SYN3: variants seen among roughly 807,000 people sequenced by gnomAD.
SYN3 encodes the protein synapsin III, also known as synapsin-3.
Under a neutral mutation model 65.8 loss-of-function variants are expected in SYN3, and 35 were observed. That is an observed-to-expected ratio of 0.53 (90% confidence interval 0.41 to 0.70). The LOEUF is 0.70. SYN3 is among the 30% of genes least tolerant of loss of function. The pLI is 0.00. For missense variants in SYN3, 680 were observed against 749.0 expected, an observed-to-expected ratio of 0.91 and a Z score of 1.08; for synonymous variants, 270 against 292.9, an observed-to-expected ratio of 0.92 and a Z score of 0.80.
In SYN3 at chr22:33,015,840, CT is replaced by C. The variant is rs758927603; in HGVS notation, c.-162-9017del. Among the ~76,000 whole-genome samples the C allele has an allele frequency of 6.4e-5, 9 of 140,006 alleles. 1 individual carries two copies. Among genetic ancestry groups the C allele is most frequent in the East Asian group, 4.4e-4 (2 of 4,556 alleles). The allele number at this position is 140,006 out of a possible 152,430, so 91.8% of individuals were successfully genotyped here. On this transcript the variant is annotated intron_variant, in intron 1 of 13. Coordinates refer to ENST00000358763, the MANE Select transcript of SYN3 (RefSeq NM_003490.4). Reference sequence around the variant, plus strand: ...ACTGAACATTTAATAGGCAAATTTTCTTTTCTTTTTTTTTTTTTTTAAGACA... The same window carrying C: ...ACTGAACATTTAATAGGCAAATTTTCTTTCTTTTTTTTTTTTTTTAAGACA...
chr22:32,770,223 T>C (rs2045732312), intron 6 of SYN3, among the ~76,000 whole-genome samples: 1 of 152,202 alleles, frequency 6.6e-6, no homozygotes, highest in Admixed American at 6.5e-5. Flanking sequence ...CACTAACTCC[T>C]GATCCAAGGC....
rs998988503 is a variant in SYN3, at chr22:32,563,383, C to T, written c.775-21670G>A. 6.6e-5 allele frequency among the ~76,000 whole-genome samples: 10 copies of T among 152,154 alleles called. 1 individual carries two copies. On this transcript the variant is annotated intron_variant, in intron 7 of 13. Transcript: ENST00000358763. ...GCATAAACACAGTGTGGATGCAAAG[C>T]AGGGAGGGTCATGTCAACTGAAGGT...
At chr22:32,737,993 G>A (rs1602022477) in intron 6 of SYN3, among the ~76,000 whole-genome samples, 1 of 152,178 alleles carries the variant, frequency 6.6e-6, no homozygotes, top group Admixed American at 6.5e-5. Context: ...ACATCTTCTT[G>A]TGGTAAGCCA....
chr22:33,029,160 G>A (rs529324351), intron 1 of SYN3, among the ~76,000 whole-genome samples: 31 of 146,102 alleles, frequency 2.1e-4, no homozygotes, highest in Non-Finnish European at 3.7e-4. Context: ...AGGACACTGA[G>A]GTCCAAAGAT....
intron 6 of SYN3, among the ~76,000 whole-genome samples, chr22:32,664,684 G>C (rs1324103712): frequency 1.4e-5 from 2 of 144,744 alleles, no homozygotes; most frequent in Non-Finnish European, 3.0e-5. Flanking sequence ...TCCGCCTCCT[G>C]GGTTCATGCC....
intron 6 of SYN3, among the ~76,000 whole-genome samples, chr22:32,622,725 C>CAAA (rs777908921): frequency 1.4e-4 from 11 of 78,134 alleles, no homozygotes; most frequent in Non-Finnish European, 1.5e-4. Context: ...AAATCGGATG[C>CAAA]AAAAAAAAAA....
chr22:32,686,414 G>A (rs1163855596), intron 6 of SYN3, among the ~76,000 whole-genome samples: 6 of 149,334 alleles, frequency 4.0e-5, no homozygotes, highest in Non-Finnish European at 8.9e-5. Flanking sequence ...TTCAAGAAAA[G>A]TCAGAGATTT....
Position 32,893,210 on chromosome 22 carries a change from T to C in SYN3, c.462-24085A>G, listed in dbSNP as rs2049500123. 2.0e-5 allele frequency among the ~76,000 whole-genome samples: 3 copies of C among 152,192 alleles called. No individual in the cohort carries two copies. In the South Asian group the frequency reaches 6.2e-4, roughly 32 times the overall value. ...TTTGCGTATGAGAATAATCAATGTT[T>C]GCTCTGCCCCCCTCCCAGGACTTAT... On this transcript the variant is annotated intron_variant, in intron 4 of 13. Coordinates refer to ENST00000358763, the MANE Select transcript of SYN3 (RefSeq NM_003490.4).
At chr22:32,537,282 C>T (rs1287327451) in intron 9 of SYN3, among the ~76,000 whole-genome samples, 1 of 152,076 alleles carries the variant, frequency 6.6e-6, no homozygotes, top group Non-Finnish European at 1.5e-5. Flanking sequence ...GCCTCAGCCT[C>T]CCGAGTAGCT....
intron 6 of SYN3, among the ~76,000 whole-genome samples, chr22:32,822,498 G>A (rs1226824126): frequency 2.0e-5 from 3 of 152,330 alleles, no homozygotes; most frequent in African/African-American, 7.2e-5. Flanking sequence ...CCTGTGCATC[G>A]AAAGCCTCAA....
intron 1 of SYN3, among the ~76,000 whole-genome samples, chr22:33,056,360 G>A (rs930065066): frequency 4.6e-5 from 7 of 152,102 alleles, no homozygotes; most frequent in East Asian, 1.9e-4. Context: ...GATACCGTGG[G>A]GAAATGCTCA....
At chr22:32,918,249 C>T (rs2050239544) in intron 4 of SYN3, among the ~76,000 whole-genome samples, 2 of 152,218 alleles carry the variant, frequency 1.3e-5, no homozygotes, top group African/African-American at 4.8e-5. Flanking sequence ...ACTTGATCCT[C>T]AAGGAAGGTT....
intron 4 of SYN3, among the ~76,000 whole-genome samples, chr22:32,915,057 G>T (rs895121680): frequency 1.3e-5 from 2 of 152,094 alleles, no homozygotes; most frequent in Non-Finnish European, 2.9e-5. Context: ...CAGGCTATAA[G>T]AATTATTCAT....
intron 6 of SYN3, among the ~76,000 whole-genome samples, chr22:32,720,981 C>T (rs1031712047): frequency 2.3e-4 from 35 of 152,342 alleles, no homozygotes; most frequent in African/African-American, 8.2e-4. Flanking sequence ...TCCCTTAGTA[C>T]ACACGTTCAC....
chr22:32,587,610 G>C (rs1206611439), intron 7 of SYN3, among the ~76,000 whole-genome samples: 1 of 152,106 alleles, frequency 6.6e-6, no homozygotes, highest in Non-Finnish European at 1.5e-5. Context: ...CTGGGCCACT[G>C]ACTCCCACTC....
At chr22:33,033,838 G>A (rs746391009) in intron 1 of SYN3, among the ~76,000 whole-genome samples, 2 of 152,130 alleles carry the variant, frequency 1.3e-5, no homozygotes, top group Non-Finnish European at 1.5e-5. Context: ...CCAAGCAGAC[G>A]CAAGGCCAAA....
chr22:32,606,157 TG>T (rs1384058177), intron 6 of SYN3, among the ~76,000 whole-genome samples: 3 of 151,890 alleles, frequency 2.0e-5, no homozygotes, highest in Admixed American at 1.3e-4. Context: ...CGGCAGCAAG[TG>T]GGGGCCATGG....
At position 32,527,943 on chromosome 22, in the gene SYN3, C is replaced by T; in HGVS notation, c.1293G>A (p.Gln431=). 1 of 1,589,926 alleles carries T rather than the reference C, an allele frequency of 6.3e-7. No homozygotes were observed. The stretch of plus-strand genomic sequence containing the variant: ...CTTGCGGAGGTGGGCGTGGCTGGGG[C>T]TGGCCTAGCTGAGGCCCCAGCTGGG... ...GQAQLGPQLG[Q]PQPRPPPQGG... The change falls in exon 12 of 14, where the codon CAG becomes CAA. Residue 431 remains glutamine (Q), a synonymous_variant. Coordinates refer to ENST00000358763, the MANE Select transcript of SYN3 (RefSeq NM_003490.4).
rs111804099 is a variant in SYN3 at position 32,729,823 on chromosome 22, C to G, written c.712-133087G>C. On this transcript the variant is annotated intron_variant, in intron 6 of 13. Coordinates refer to ENST00000358763, the MANE Select transcript of SYN3 (RefSeq NM_003490.4). ...CTCTTCCATTCACTTGCTGGGTGAC[C>G]TTGGGCAAATGATGGTACCACTTTG... Among the ~76,000 whole-genome samples, 607 of 152,270 alleles carry G rather than the reference C, an allele frequency of 4.0e-3. 4 individuals are homozygous for G. The highest frequency in any genetic ancestry group is 0.014 in the African/African-American group (585 of 41,552).
Sources: gnomAD v4.1 joint callset for allele counts (sites outside exome capture counted in the v4.1 genomes callset) on GRCh38, gnomAD v4.1.1 for gene constraint, MANE v1.5 for transcripts, NCBI Gene and HGNC (gene_info 2026-07-23, HGNC 2026-07-21) for gene names.